The following CDK13 variants were observed in gnomAD, a reference collection of about 807,000 sequenced individuals.
CDK13 encodes the protein cyclin dependent kinase 13.
CDK13 carries 40 observed loss-of-function variants against 137.6 expected under a neutral mutation model. The ratio of observed to expected loss-of-function variants is 0.29; its 90% CI spans 0.23 to 0.38. The LOEUF (loss-of-function observed/expected upper bound fraction) is 0.38, where lower values mean the gene tolerates loss of function less well. CDK13 is among the 10% of genes least tolerant of loss of function. CDK13 has a pLI of 1.00. For synonymous variants in CDK13, 869 were observed against 760.1 expected (o/e 1.14, Z -2.36); for missense variants, 1,704 against 1,951.8 (o/e 0.87, Z 2.39).
chr7:39,951,333 C>CCCGCAGCCG lies in CDK13; in HGVS notation c.695_703dup (p.Arg232_Arg234dup), dbSNP rs1787180602. The CCCGCAGCCG allele has an allele frequency of 2.1e-6, 3 of 1,444,740 alleles. No individual in the cohort carries two copies. The highest frequency in any genetic ancestry group is 5.5e-5 in the Admixed American group (2 of 36,194). The allele number at this position is 1,444,740 out of a possible 1,614,324, so 89.5% of individuals were successfully genotyped here. ...CGCGGTGGCAGCGAGGCCTCCAAGT[C>CCCGCAGCCG]CCGCAGCCGCCACAGCCACAGCGGC... On this transcript the variant is annotated inframe_insertion, in exon 1 of 14. Coordinates refer to ENST00000181839, the MANE Select transcript of CDK13 (RefSeq NM_003718.5).
At chr7:40,073,152 A>C (rs1786459934) in intron 9 of CDK13, 1 of 152,334 alleles carries the variant, frequency 6.6e-6, no homozygotes, top group East Asian at 1.9e-4. Context: ...AATATTGTGT[A>C]CTGTCATTAT....
chr7:39,983,711 G>A (rs771346826), intron 1 of CDK13, among the ~76,000 whole-genome samples: 2 of 152,076 alleles, frequency 1.3e-5, no homozygotes, highest in Non-Finnish European at 2.9e-5. Context: ...ATCTGATCAG[G>A]GGATAGAAAC....
chr7:40,004,446 C>T (rs1383745660), intron 5 of CDK13, among the ~76,000 whole-genome samples: 1 of 152,118 alleles, frequency 6.6e-6, no homozygotes, highest in Non-Finnish European at 1.5e-5. Context: ...CCTAGAATTA[C>T]TTAAATGCAT....
At chr7:40,015,781 A>G (rs112767564) in intron 5 of CDK13, among the ~76,000 whole-genome samples, 14 of 152,310 alleles carry the variant, frequency 9.2e-5, no homozygotes, top group African/African-American at 3.1e-4. Flanking sequence ...AAAGCTTAGA[A>G]GCAGTCTCTA....
intron 1 of CDK13, among the ~76,000 whole-genome samples, chr7:39,982,701 T>C (rs979881425): frequency 1.2e-4 from 18 of 152,312 alleles, no homozygotes; most frequent in Middle Eastern, 3.4e-3. Flanking sequence ...TTTCAATGAT[T>C]GCCATTCTAA....
intron 5 of CDK13, among the ~76,000 whole-genome samples, chr7:40,030,915 C>T (rs763445697): frequency 6.6e-6 from 1 of 152,108 alleles, no homozygotes; most frequent in Non-Finnish European, 1.5e-5. Flanking sequence ...GAACCATTCA[C>T]CCACTGAAGG....
intron 5 of CDK13, among the ~76,000 whole-genome samples, chr7:40,028,818 A>T (rs202133553): frequency 6.6e-6 from 1 of 151,550 alleles, no homozygotes; most frequent in East Asian, 1.9e-4. Flanking sequence ...CAGTAATGCA[A>T]ATATATATAA....
Position 40,037,352 on chromosome 7 carries a change from C to T in CDK13, c.2354-8484C>T, listed in dbSNP as rs779265048. On this transcript the variant is annotated intron_variant, in intron 5 of 13. Coordinates refer to ENST00000181839, the MANE Select transcript of CDK13 (RefSeq NM_003718.5). ...GGCTTGACTGGGGTTAGAGAATCCACTTCCAAGATGGCTCCCCTCACATGG... is the reference window on the plus strand; with the variant it reads ...GGCTTGACTGGGGTTAGAGAATCCATTTCCAAGATGGCTCCCCTCACATGG... 3.3e-5 allele frequency among the ~76,000 whole-genome samples: 5 copies of T among 152,296 alleles called. 1 individual carries two copies. In the Middle Eastern group the frequency reaches 0.01, roughly 311 times the overall value.
At chr7:40,014,498 C>A (rs953040485) in intron 5 of CDK13, among the ~76,000 whole-genome samples, 15 of 142,550 alleles carry the variant, frequency 1.1e-4, no homozygotes, top group East Asian at 2.0e-4. Flanking sequence ...GTCACCCAGG[C>A]TGGAGTACAG....
chr7:40,019,788 A>G (rs550264854), intron 5 of CDK13, among the ~76,000 whole-genome samples: 5 of 152,176 alleles, frequency 3.3e-5, no homozygotes, highest in African/African-American at 4.8e-5. Flanking sequence ...TTTAAACCGT[A>G]TGGGAATCTG....
intron 9 of CDK13, among the ~76,000 whole-genome samples, chr7:40,063,552 T>C (rs552738366): frequency 3.9e-5 from 6 of 152,318 alleles, no homozygotes; most frequent in African/African-American, 1.4e-4. Flanking sequence ...TACATGCATA[T>C]ACCCCCTAGC....
At chr7:39,967,288 A>G (rs1295873661) in intron 1 of CDK13, among the ~76,000 whole-genome samples, 2 of 152,094 alleles carry the variant, frequency 1.3e-5, no homozygotes, top group Non-Finnish European at 2.9e-5. Flanking sequence ...TCAGCCCAGC[A>G]TGGTGGCATG....
intron 5 of CDK13, among the ~76,000 whole-genome samples, chr7:40,020,805 A>T (rs1443999372): frequency 6.6e-6 from 1 of 152,204 alleles, no homozygotes; most frequent in Non-Finnish European, 1.5e-5. Context: ...ATATATTAAA[A>T]AGTAGGGGTG....
At chr7:39,977,795 G>C (rs1251952153) in intron 1 of CDK13, among the ~76,000 whole-genome samples, 3 of 152,174 alleles carry the variant, frequency 2.0e-5, no homozygotes, top group African/African-American at 4.8e-5. Context: ...ACTGGGCCCA[G>C]TGTGTGATGA....
chr7:40,031,718 T>TTAC (rs1348690462), intron 5 of CDK13, among the ~76,000 whole-genome samples: 2 of 151,842 alleles, frequency 1.3e-5, no homozygotes. Flanking sequence ...CAATCATGGC[T>TTAC]TACTGTAGCC....
intron 7 of CDK13, chr7:40,062,531 C>T (rs1028422128): frequency 2.0e-5 from 5 of 248,728 alleles, no homozygotes; most frequent in Admixed American, 5.2e-5. Flanking sequence ...CTGCCAGCCT[C>T]GGCCTCCCAG....
intron 5 of CDK13, 83 bp from the exon 6 acceptor site, chr7:40,045,753 C>G: frequency 1.2e-6 from 1 of 865,786 alleles, no homozygotes; most frequent in South Asian, 1.6e-5. Context: ...CTTCCTCTAC[C>G]AGCCTTTTAT....
At chr7:39,960,852 G>A (rs1787596017) in intron 1 of CDK13, among the ~76,000 whole-genome samples, 1 of 152,088 alleles carries the variant, frequency 6.6e-6, no homozygotes. Flanking sequence ...TGGGATTACA[G>A]GCGTGAGCCA....
chr7:39,970,128 C>CT (rs1783964647), intron 1 of CDK13, among the ~76,000 whole-genome samples: 1 of 151,886 alleles, frequency 6.6e-6, no homozygotes, highest in Non-Finnish European at 1.5e-5. Flanking sequence ...TCTCAGCCTC[C>CT]TGAGTGGCTG....
Sources: allele counts gnomAD v4.1 joint callset (sites outside exome capture counted in the v4.1 genomes callset), GRCh38; gene constraint gnomAD v4.1.1; transcripts MANE v1.5; gene names NCBI Gene and HGNC (gene_info 2026-07-23, HGNC 2026-07-21).